The following SH3BGRL2 variants were observed in gnomAD, a reference collection of about 807,000 sequenced individuals.
SH3BGRL2 encodes SH3 domain-binding glutamic acid-rich-like protein 2.
A neutral mutation model predicts 14.8 loss-of-function variants in SH3BGRL2; 21 were observed. The ratio of observed to expected loss-of-function variants is 1.42; its 90% confidence interval spans 1.01 to 2.05. The LOEUF (loss-of-function observed/expected upper bound fraction) is 2.05, where lower values mean the gene tolerates loss of function less well. Among genes scored for constraint, SH3BGRL2 ranks in the 30% most tolerant of loss-of-function variants. The probability of loss-of-function intolerance (pLI) is 0.00; values close to 1 mark genes in which losing one functional copy is unlikely to be tolerated. For synonymous variants in SH3BGRL2, 50 were observed against 47.8 expected (o/e 1.05, Z -0.19); for missense variants, 147 against 130.8 (o/e 1.12, Z -0.61).
chr6:79,576,125 TCATA>T, the SH3BGRL2 span, among the ~76,000 whole-genome samples: 1 of 152,142 alleles, frequency 6.6e-6, no homozygotes, highest in South Asian at 2.1e-4. Flanking sequence ...CCAAACCCTA[TCATA>T]CAAGCTATTT....
At chr6:79,572,521 A>C in the SH3BGRL2 span, among the ~76,000 whole-genome samples, 2 of 152,000 alleles carry the variant, frequency 1.3e-5, no homozygotes, top group Non-Finnish European at 2.9e-5. Flanking sequence ...GCTGGAGTGC[A>C]GTGGCGTGAT....
upstream of SH3BGRL2, among the ~76,000 whole-genome samples, chr6:79,628,447 C>G (rs1768769884): frequency 1.3e-5 from 2 of 152,048 alleles, no homozygotes; most frequent in Admixed American, 6.6e-5. Context: ...AACATGGGAG[C>G]CACTTTCTTC....
the SH3BGRL2 span, among the ~76,000 whole-genome samples, chr6:79,583,196 A>C: frequency 1.3e-5 from 2 of 152,228 alleles, no homozygotes; most frequent in East Asian, 3.8e-4. Flanking sequence ...AGTGTAAATT[A>C]GTTCAACCAT....
rs529314018 is a variant in SH3BGRL2, at chr6:79,657,796, A to T, written c.46-15818A>T. Among the ~76,000 whole-genome samples, 334 of 152,118 alleles carry T rather than the reference A, an allele frequency of 2.2e-3. 2 individuals are homozygous for T. Among genetic ancestry groups the T allele is most frequent in the African/African-American group, 7.3e-3 (302 of 41,516 alleles). ...CATGCCTGGCTAATTAATTTTTTTT[A>T]AATTTTAATTTGCTTCTAGTATTAT... is the stretch of plus-strand genomic sequence containing the variant. On this transcript the variant is annotated intron_variant, in intron 1 of 3. Transcript: ENST00000369838.
the SH3BGRL2 span, among the ~76,000 whole-genome samples, chr6:79,590,424 G>GATATCTAT: frequency 1.5e-5 from 1 of 66,666 alleles, no homozygotes; most frequent in Non-Finnish European, 2.7e-5. Flanking sequence ...AAGAAAATGT[G>GATATCTAT]ATATATATAT....
In SH3BGRL2 at chr6:79,659,303, T is replaced by G. The variant is rs563346832; in HGVS notation, c.46-14311T>G. Among the ~76,000 whole-genome samples, 3 of 152,340 alleles carry G rather than the reference T, an allele frequency of 2.0e-5. No homozygotes were observed. In the South Asian group the frequency reaches 6.2e-4, roughly 32 times the overall value. The stretch of plus-strand genomic sequence containing the variant: ...ATTTAAATACTTAATCCATCTTGAA[T>G]TAATTTTTGTATAAGGTGTAAAGAA... On this transcript the variant is annotated intron_variant, in intron 1 of 3. Coordinates refer to ENST00000369838, the MANE Select transcript of SH3BGRL2 (RefSeq NM_031469.4).
chr6:79,552,293 CA>C, the SH3BGRL2 span, among the ~76,000 whole-genome samples: 1 of 152,132 alleles, frequency 6.6e-6, no homozygotes, highest in Non-Finnish European at 1.5e-5. Context: ...ATCATTTTAA[CA>C]TTGCTTATCT....
intron 2 of SH3BGRL2, among the ~76,000 whole-genome samples, chr6:79,688,062 A>T (rs1214740654): frequency 6.6e-6 from 1 of 152,176 alleles, no homozygotes. Context: ...TGCACAGATA[A>T]TGTCCTTAAG....
At chr6:79,569,654 T>G in the SH3BGRL2 span, among the ~76,000 whole-genome samples, 2 of 152,156 alleles carry the variant, frequency 1.3e-5, no homozygotes, top group Non-Finnish European at 2.9e-5. Context: ...TGGCCTGAAC[T>G]TTTTCAGGCC....
the SH3BGRL2 span, among the ~76,000 whole-genome samples, chr6:79,617,210 GA>G: frequency 1.4e-5 from 2 of 148,008 alleles, no homozygotes; most frequent in Middle Eastern, 3.2e-3. Flanking sequence ...AAAAAAAAAA[GA>G]AAAGAAAAAG....
At chr6:79,694,962 A>G (rs1770302201) in intron 2 of SH3BGRL2, among the ~76,000 whole-genome samples, 1 of 151,996 alleles carries the variant, frequency 6.6e-6, no homozygotes, top group African/African-American at 2.4e-5. Context: ...AAACTAGATC[A>G]TTTTGCTCCC....
intron 1 of SH3BGRL2, among the ~76,000 whole-genome samples, chr6:79,637,629 A>T (rs752726570): frequency 4.6e-5 from 7 of 151,896 alleles, no homozygotes; most frequent in Non-Finnish European, 1.0e-4. Flanking sequence ...GGAAGTAGAG[A>T]TTGCATGAGC....
chr6:79,624,865 G>A, the SH3BGRL2 span, among the ~76,000 whole-genome samples: 1 of 151,910 alleles, frequency 6.6e-6, no homozygotes, highest in African/African-American at 2.4e-5. Flanking sequence ...GAGGGGGAAT[G>A]TGAACTGATT....
At chr6:79,569,445 C>G in the SH3BGRL2 span, among the ~76,000 whole-genome samples, 3 of 152,156 alleles carry the variant, frequency 2.0e-5, no homozygotes, top group Non-Finnish European at 4.4e-5. Flanking sequence ...TCCCAAGAGA[C>G]AGCTTTGCAA....
chr6:79,549,589 G>T, the SH3BGRL2 span, among the ~76,000 whole-genome samples: 1 of 152,130 alleles, frequency 6.6e-6, no homozygotes, highest in Non-Finnish European at 1.5e-5. Context: ...CAAGTTGGTA[G>T]CCTAGGAGCA....
the SH3BGRL2 span, among the ~76,000 whole-genome samples, chr6:79,562,945 T>C: frequency 3.3e-5 from 5 of 152,056 alleles, no homozygotes. Flanking sequence ...TTGGTCTATA[T>C]TTTTTGTTTG....
At chr6:79,548,922 G>T in the SH3BGRL2 span, among the ~76,000 whole-genome samples, 1 of 152,088 alleles carries the variant, frequency 6.6e-6, no homozygotes, top group Non-Finnish European at 1.5e-5. Context: ...ATATCAATAT[G>T]ATCTTATGAC....
chr6:79,579,537 T>A, the SH3BGRL2 span, among the ~76,000 whole-genome samples: 4 of 152,166 alleles, frequency 2.6e-5, no homozygotes, highest in African/African-American at 7.2e-5. Context: ...GAATTTCATA[T>A]CCAGCCAAAC....
At chr6:79,542,452 A>G in the SH3BGRL2 span, among the ~76,000 whole-genome samples, 25 of 151,810 alleles carry the variant, frequency 1.6e-4, no homozygotes, top group African/African-American at 5.8e-4. Context: ...TATTATTAGT[A>G]AATATAGGGT....
Sources: allele counts gnomAD v4.1 joint callset (sites outside exome capture counted in the v4.1 genomes callset), GRCh38; gene constraint gnomAD v4.1.1; transcripts MANE v1.5; gene names NCBI Gene and HGNC (gene_info 2026-07-23, HGNC 2026-07-21).